FLNA: variants seen among roughly 807,000 people sequenced by gnomAD.
FLNA encodes filamin A.
FLNA carries 7 observed loss-of-function variants against 157.6 expected under a neutral mutation model. That is an observed-to-expected ratio of 0.04 (90% CI 0.03 to 0.08). The LOEUF is 0.08. Ranked by LOEUF, FLNA falls within the 10% of genes least tolerant of loss-of-function variation. FLNA has a pLI of 1.00. For missense variants in FLNA, 1,750 were observed against 2,398.4 expected, an observed-to-expected ratio of 0.73 and a Z score of 5.65; for synonymous variants, 1,103 against 1,060.8, an observed-to-expected ratio of 1.04 and a Z score of -0.77.
chrX:154,355,200 TCCTGCCCCGC>T, intron 30 of FLNA, 128 bp from the exon 31 acceptor site: 1 of 722,246 alleles, frequency 1.4e-6, no homozygotes, highest in Non-Finnish European at 2.0e-6. Context: ...CCGCCAGGCC[TCCTGCCCCGC>T]CCTGCCCCTC....
intron 2 of FLNA, among the ~76,000 whole-genome samples, chrX:154,370,495 G>C (rs888673292): frequency 9.8e-5 from 11 of 112,776 alleles, no homozygotes; most frequent in Admixed American, 1.8e-4. Context: ...AAACAGCTGT[G>C]GGGGGAGAGC....
chrX:154,365,199 T>C lies in FLNA; in HGVS notation c.1628A>G (p.Tyr543Cys), dbSNP rs41304984. ...LGDGVYGFEY[Y>C]PMVPGTYIVT... Reference sequence around the variant, plus strand: ...GATATAGGTTCCAGGGACCATGGGGTAATACTCGAAGCCATACACGCCATC... The same window carrying C: ...GATATAGGTTCCAGGGACCATGGGGCAATACTCGAAGCCATACACGCCATC... Residue 543 changes from tyrosine to cysteine, a missense_variant, in exon 11 of 48, where the codon TAC (tyrosine) becomes TGC (cysteine). This residue lies in a region of FLNA where 648 missense variants were observed against 805.8 expected (regional missense o/e 0.80). Coordinates refer to ENST00000369850, the MANE Select transcript of FLNA (RefSeq NM_001110556.2). 5.0e-6 allele frequency: 6 copies of C among 1,209,673 alleles called. No individual in the cohort carries two copies. Among genetic ancestry groups the C allele is most frequent in the Non-Finnish European group, 6.7e-6 (6 of 894,707 alleles).
chrX:154,349,560 G>A lies in FLNA; in HGVS notation c.7558C>T (p.Arg2520Cys), dbSNP rs782244918. The A allele has an allele frequency of 4.7e-5, 57 of 1,211,144 alleles. No individual in the cohort carries two copies. The South Asian group carries it at 9.1e-4, about 19-fold the overall frequency. Residue 2520 changes from arginine (R) to cysteine (C), a missense_variant, in exon 47 of 48, where the codon CGT becomes TGT. By Grantham distance (180) the Arg-to-Cys change is radical (BLOSUM62 -3). Transcript: ENST00000369850. ...SPFKAKVTGP[R>C]LVSNHSLHET... ...TGGAGGCTGTGGTTGCTGACGAGAC[G>A]GGGGCCTGCAAGGCAGAGTGGGTGG...
In FLNA at chrX:154,361,365, C is replaced by T. The variant is rs781997383; in HGVS notation, c.3150G>A (p.Val1050=). 4.1e-6 allele frequency: 5 copies of T among 1,208,210 alleles called. No individual in the cohort carries two copies. The highest frequency in any genetic ancestry group is 5.6e-6 in the Non-Finnish European group (5 of 894,803). ...GAGGAAAGGGGCTGCCAGGCACGGG[C>T]ACGCCGTCATAGGTCACCTCCACCT... ...PYEVEVTYDG[V]PVPGSPFPLE... Residue 1050 remains valine (V), a synonymous_variant, in exon 21 of 48, where the codon GTG becomes GTA. Coordinates refer to ENST00000369850, the MANE Select transcript of FLNA (RefSeq NM_001110556.2).
chrX:154,367,803 G>T, intron 3 of FLNA, 39 bp downstream of exon 3: 1 of 1,210,572 alleles, frequency 8.3e-7, no homozygotes, highest in Non-Finnish European at 1.1e-6. Flanking sequence ...ACCCATGGGT[G>T]ACCCCAGCCC....
intron 15 of FLNA, among the ~76,000 whole-genome samples, chrX:154,363,510 C>G (rs782656303): frequency 4.5e-5 from 5 of 110,189 alleles, no homozygotes; most frequent in Non-Finnish European, 9.5e-5. Flanking sequence ...GTCAGGAGAT[C>G]GACACCATCC....
In FLNA at chrX:154,348,665, G is replaced by C; in HGVS notation, c.*184C>G. 1 of 423,374 alleles carries C rather than the reference G, an allele frequency of 2.4e-6. No individual in the cohort carries two copies. Among genetic ancestry groups the C allele is most frequent in the Non-Finnish European group, 4.0e-6 (1 of 248,661 alleles). The allele number at this position is 423,374 out of a possible 1,213,427, so 34.9% of individuals were successfully genotyped here. A position where few individuals can be genotyped will look rare whatever the true frequency, so the allele number is the denominator to read the frequency against. On this transcript the variant is annotated 3_prime_UTR_variant, in exon 48 of 48. Coordinates refer to ENST00000369850, the MANE Select transcript of FLNA (RefSeq NM_001110556.2). ...CCACCAAATGGCTCCCTCTGCCCAA[G>C]TGAAAGCCGAGAGGTCAGCGGCTGG...
intron 2 of FLNA, 148 bp downstream of exon 2, chrX:154,370,725 G>T (rs2067799630): frequency 3.2e-6 from 2 of 627,933 alleles, no homozygotes; most frequent in Admixed American, 3.8e-5. Context: ...CCTTTGTTCT[G>T]CAGGCCCGCG....
Position 154,361,689 on chromosome X carries a change from C to T in FLNA, c.2925G>A (p.Lys975=). 1 of 1,210,271 alleles carries T rather than the reference C, an allele frequency of 8.3e-7. No individual in the cohort carries two copies. The change falls in exon 20 of 48, where the codon AAG becomes AAA. Residue 975 remains lysine, a synonymous_variant. Transcript: ENST00000369850. ...ACTTACTCTCTCCCAGGCCAGACAC[C>T]TTGATCTTGCTGAGGTCCAGGCTTG... ...VSPSLDLSKI[K]VSGLGEKVDV...
intron 2 of FLNA, 65 bp downstream of exon 2, chrX:154,370,808 G>C: frequency 8.7e-7 from 1 of 1,153,900 alleles, no homozygotes; most frequent in Admixed American, 2.3e-5. Context: ...GGGTCCGCCC[G>C]GGGAGATGGA....
In FLNA at chrX:154,361,018, G is replaced by A. The variant is rs782464974; in HGVS notation, c.3207+290C>T. 3.8e-4 allele frequency among the ~76,000 whole-genome samples: 28 copies of A among 73,304 alleles called. No individual in the cohort carries two copies. In the East Asian group the frequency reaches 0.012, roughly 30 times the overall value. 63.7% of individuals were successfully genotyped at this position (73,304 alleles called of 115,157 possible). ...GCCAATATCGCGCCACTGCACTCCA[G>A]CCTGGGCGACAGAGTGAGACTCTTT... On this transcript the variant is annotated intron_variant, in intron 21 of 47. Coordinates refer to ENST00000369850, the MANE Select transcript of FLNA (RefSeq NM_001110556.2).
In FLNA at chrX:154,352,347, G is replaced by A; in HGVS notation, c.6603C>T (p.Arg2201=). Residue 2201 remains arginine (R), a synonymous_variant, in exon 41 of 48, where the codon CGC becomes CGT. Transcript: ENST00000369850. ...VEGENHTYCI[R]FVPAEMGTHT... ...GTGTGCCCATCTCAGCGGGAACAAA[G>A]CGGATGCAGTAGGTGTGGTTCTCCC... 8.2e-7 allele frequency: 1 copy of A among 1,212,175 alleles called. No homozygotes were observed. Among genetic ancestry groups the A allele is most frequent in the Non-Finnish European group, 1.1e-6 (1 of 895,638 alleles).
At chrX:154,368,131 C>A in intron 2 of FLNA, 41 bp from the exon 3 acceptor site, 1 of 1,208,799 alleles carries the variant, frequency 8.3e-7, no homozygotes, top group South Asian at 1.8e-5. Context: ...CACGGCTGTG[C>A]GGGAGGGGCC....
rs1234458696 is a variant in FLNA, at chrX:154,351,262, G to A, written c.7024-221C>T. 3 of 458,193 alleles carry A rather than the reference G, an allele frequency of 6.5e-6. No homozygotes were observed. The African/African-American group carries it at 7.2e-5, about 11-fold the overall frequency. 37.8% of individuals were successfully genotyped at this position (458,193 alleles called of 1,213,427 possible). A position where few individuals can be genotyped will look rare whatever the true frequency, so the allele number is the denominator to read the frequency against. ...GCCGTCGCACACACCCAGGTGGCAG[G>A]AAGGGAGGGCTGCCCCACCCTGTGG... is the stretch of plus-strand genomic sequence containing the variant. On this transcript the variant is annotated intron_variant, in intron 43 of 47. Coordinates refer to ENST00000369850, the MANE Select transcript of FLNA (RefSeq NM_001110556.2).
In FLNA at chrX:154,354,814, C is replaced by T. The variant is rs1479313173; in HGVS notation, c.5217+11G>A. On this transcript the variant is annotated intron_variant, in intron 31 of 47. Coordinates refer to ENST00000369850, the MANE Select transcript of FLNA (RefSeq NM_001110556.2). ...GACACCCCTGCTGACCTACCCCCCA[C>T]CCCTCCTCACCGTCACTTGGAAGGG... The T allele has an allele frequency of 8.3e-7, 1 of 1,210,571 alleles. No homozygotes were observed. The highest frequency in any genetic ancestry group is 1.7e-5 in the African/African-American group (1 of 57,580).
At chrX:154,351,397 C>G (rs1203384536) in intron 43 of FLNA, 184 bp downstream of exon 43, 1 of 447,490 alleles carries the variant, frequency 2.2e-6, no homozygotes, top group Non-Finnish European at 3.9e-6. Flanking sequence ...AAAAACTCCA[C>G]GTGGTGGGCA....
chrX:154,351,325 C>T (rs1455667785), intron 43 of FLNA: 4 of 437,654 alleles, frequency 9.1e-6, no homozygotes, highest in Admixed American at 8.0e-5. Context: ...CTCTTTAAAC[C>T]GCAGCCCTGG....
rs782082407 is a variant in FLNA at position 154,357,545 on chromosome X, C to T, written c.4834G>A (p.Val1612Met). The change falls in exon 29 of 48, where the codon GTG becomes ATG. Residue 1612 changes from valine to methionine, a missense_variant. Physicochemically the swap from Val to Met is conservative, Grantham distance 21. This residue lies in a region of FLNA where 970 missense variants were observed against 1,302.6 expected (regional missense o/e 0.74). Coordinates refer to ENST00000369850, the MANE Select transcript of FLNA (RefSeq NM_001110556.2). Reference protein sequence around the residue: ...GTYTVAYVPDVTGRYTILIKY... With the variant: ...GTYTVAYVPDMTGRYTILIKY... ...ATGAGGATGGTGTAGCGACCTGTCA[C>T]GTCTGGCACGTAGGCCACTGTATAC... is the stretch of plus-strand genomic sequence containing the variant. 1 of 1,211,365 alleles carries T rather than the reference C, an allele frequency of 8.3e-7. No homozygotes were observed. The highest frequency in any genetic ancestry group is 2.2e-5 in the Admixed American group (1 of 46,144).
chrX:154,359,301 A>T lies in FLNA; in HGVS notation c.4248T>A (p.Pro1416=), dbSNP rs781852894. ...KDGSCSVEYI[P]YEAGTYSLNV... Reference sequence around the variant, plus strand: ...TGAGGCTGTAGGTGCCAGCCTCATAAGGGATGTACTCGACCGAGCAGCTGC... The same window carrying T: ...TGAGGCTGTAGGTGCCAGCCTCATATGGGATGTACTCGACCGAGCAGCTGC... The change falls in exon 25 of 48, where the codon CCT becomes CCA. Residue 1416 remains proline (P), a synonymous_variant. Coordinates refer to ENST00000369850, the MANE Select transcript of FLNA (RefSeq NM_001110556.2). 9.1e-6 allele frequency: 11 copies of T among 1,211,256 alleles called. No homozygotes were observed. The highest frequency in any genetic ancestry group is 2.3e-4 in the Middle Eastern group (1 of 4,355).
Sources: allele counts gnomAD v4.1 joint callset (sites outside exome capture counted in the v4.1 genomes callset), GRCh38; gene constraint gnomAD v4.1.1; regional missense constraint gnomAD v4.1.1; transcripts MANE v1.5; gene names NCBI Gene and HGNC (gene_info 2026-07-23, HGNC 2026-07-21).